Variants in ZFYVE1 observed in about 807,000 individuals in gnomAD.
ZFYVE1 encodes the protein zinc finger FYVE-type containing 1.
Under a neutral mutation model 74.4 loss-of-function variants are expected in ZFYVE1, and 30 were observed. The observed-to-expected ratio is 0.40, with a 90% CI of 0.30 to 0.55. ZFYVE1 has a LOEUF of 0.55. ZFYVE1 is among the 20% of genes least tolerant of loss of function. The pLI is 0.42. For synonymous variants in ZFYVE1, 335 were observed against 385.1 expected (o/e 0.87, Z 1.52); for missense variants, 703 against 1,011.6 (o/e 0.69, Z 4.14).
Position 72,994,306 on chromosome 14 carries a change from G to A in ZFYVE1, c.989-949C>T, listed in dbSNP as rs1251032017. 7.4e-5 allele frequency among the ~76,000 whole-genome samples: 9 copies of A among 121,410 alleles called. 1 individual carries two copies. The highest frequency in any genetic ancestry group is 1.1e-4 in the Non-Finnish European group (7 of 62,272). 79.6% of individuals were successfully genotyped at this position (121,410 alleles called of 152,430 possible). On this transcript the variant is annotated intron_variant, in intron 3 of 11. Transcript: ENST00000556143. ...CCACTGCACTCCAGCCTGGGAGACA[G>A]AGCGAGACGCTGTCTCAAAAAAAAA... is the stretch of plus-strand genomic sequence containing the variant.
chr14:73,010,169 T>C (rs1894058709), intron 2 of ZFYVE1, among the ~76,000 whole-genome samples: 1 of 152,208 alleles, frequency 6.6e-6, no homozygotes, highest in South Asian at 2.1e-4. Flanking sequence ...ATCTTTTGAA[T>C]TAAAAAGAAA....
At chr14:73,019,414 T>TA (rs34987994) in intron 2 of ZFYVE1, among the ~76,000 whole-genome samples, 73,688 of 149,500 alleles carry the variant, frequency 0.49, 18,476 homozygotes, top group African/African-American at 0.59. Context: ...AGACCCCATC[T>TA]AAAAAAAAAA....
At chr14:73,004,460 CTA>C (rs34805449) in intron 2 of ZFYVE1, among the ~76,000 whole-genome samples, 15 of 149,860 alleles carry the variant, frequency 1.0e-4, no homozygotes, top group Non-Finnish European at 1.3e-4. Context: ...AAATGATGTA[CTA>C]TATATATATA....
intron 4 of ZFYVE1, among the ~76,000 whole-genome samples, chr14:72,992,642 A>G (rs1893647611): frequency 7.6e-6 from 1 of 130,836 alleles, no homozygotes; most frequent in Admixed American, 8.4e-5. Flanking sequence ...CAAGAGAGAG[A>G]GAGCTGTTCT....
intron 2 of ZFYVE1, among the ~76,000 whole-genome samples, chr14:73,015,298 A>AAGGG (rs1385168209): frequency 1.4e-5 from 1 of 71,870 alleles, no homozygotes; most frequent in Non-Finnish European, 2.6e-5. Flanking sequence ...GGAAGGAAAG[A>AAGGG]AGGGAGGGAG....
At position 72,975,482 on chromosome 14, in the gene ZFYVE1, C is replaced by T. The variant is rs1893143941; in HGVS notation, c.1806+69G>A. ...CGTCTCCCTCACAGAACAAGCTTAG[C>T]ACAGGGCAAAGCGGCATTAAGTAGG... is the stretch of plus-strand genomic sequence containing the variant. On this transcript the variant is annotated intron_variant, in intron 9 of 11. Coordinates refer to ENST00000556143, the MANE Select transcript of ZFYVE1 (RefSeq NM_021260.4). This position sits in a 1 kb window ranked among gnomAD's most constrained non-coding sequence, Gnocchi z 4.1. 2 of 1,540,082 alleles carry T rather than the reference C, an allele frequency of 1.3e-6. No individual in the cohort carries two copies. Among genetic ancestry groups the T allele is most frequent in the Admixed American group, 4.1e-5 (2 of 49,346 alleles).
At chr14:72,985,228 T>G (rs1157332881) in intron 4 of ZFYVE1, among the ~76,000 whole-genome samples, 5 of 152,194 alleles carry the variant, frequency 3.3e-5, no homozygotes, top group African/African-American at 1.2e-4. Context: ...TGTTCACAGC[T>G]CACTGCAGCA....
intron 2 of ZFYVE1, among the ~76,000 whole-genome samples, chr14:73,015,103 C>T (rs1894161693): frequency 6.6e-6 from 1 of 150,936 alleles, no homozygotes; most frequent in South Asian, 2.1e-4. Flanking sequence ...TGGTGGCAGG[C>T]GCCTATAGTC....
intron 2 of ZFYVE1, among the ~76,000 whole-genome samples, chr14:73,009,150 G>A (rs920191857): frequency 6.6e-6 from 1 of 152,174 alleles, no homozygotes; most frequent in African/African-American, 2.4e-5. Context: ...TATCCTCTGG[G>A]GGAGGGAATG....
At position 73,024,180 on chromosome 14, in the gene ZFYVE1, C is replaced by A. The variant is rs746680816; in HGVS notation, c.329G>T (p.Gly110Val). ...AACAGGGTGTCTCCTTTTGTTACCC[C>A]CAGAATGAGTCCTCTTCTGGCACTC... ...CLECQKRTHS[G>V]GNKRRHPVTV... Residue 110 changes from glycine to valine, a missense_variant, in exon 2 of 12, where the codon GGG becomes GTG. Coordinates refer to ENST00000556143, the MANE Select transcript of ZFYVE1 (RefSeq NM_021260.4). 23 of 1,614,044 alleles carry A rather than the reference C, an allele frequency of 1.4e-5. No individual in the cohort carries two copies. Among genetic ancestry groups the A allele is most frequent in the Non-Finnish European group, 1.9e-5 (23 of 1,180,034 alleles).
rs973659379 is a variant in ZFYVE1, at chr14:72,986,696, T to C, written c.1204-4801A>G. On this transcript the variant is annotated intron_variant, in intron 4 of 11. Coordinates refer to ENST00000556143, the MANE Select transcript of ZFYVE1 (RefSeq NM_021260.4). ...GGCGCGTGCCACCATGCCCAGCTGA[T>C]TTTTTGTATTTTTAATAGAGACAGG... Among the ~76,000 whole-genome samples, 17 of 151,906 alleles carry C rather than the reference T, an allele frequency of 1.1e-4. 1 individual carries two copies. The highest frequency in any genetic ancestry group is 3.9e-4 in the African/African-American group (16 of 41,340).
chr14:73,021,562 T>C (rs1894320148), intron 2 of ZFYVE1, among the ~76,000 whole-genome samples: 1 of 152,232 alleles, frequency 6.6e-6, no homozygotes, highest in Non-Finnish European at 1.5e-5. Context: ...GAACATTCAC[T>C]ATCAGAAAAC....
chr14:72,969,717 A>C lies in ZFYVE1; in HGVS notation c.*1165T>G. 1.4e-6 allele frequency: 1 copy of C among 702,600 alleles called. No individual in the cohort carries two copies. Among genetic ancestry groups the C allele is most frequent in the Non-Finnish European group, 2.6e-6 (1 of 384,834 alleles). The allele number at this position is 702,600 out of a possible 1,614,324, so 43.5% of individuals were successfully genotyped here. A position where few individuals can be genotyped will look rare whatever the true frequency, so the allele number is the denominator to read the frequency against. ...CACCATGATGATAGGATTTCAGCAC[A>C]ACGGGCCCTTTCCAGTCATGACAGA... is the stretch of plus-strand genomic sequence containing the variant. On this transcript the variant is annotated 3_prime_UTR_variant, in exon 12 of 12. Transcript: ENST00000556143.
At chr14:73,017,220 C>A (rs1235674482) in intron 2 of ZFYVE1, among the ~76,000 whole-genome samples, 1 of 152,226 alleles carries the variant, frequency 6.6e-6, no homozygotes, top group African/African-American at 2.4e-5. Context: ...TCCTGTTAGA[C>A]TAAACCTTCA....
rs1463210244 is a variant in ZFYVE1, at chr14:73,015,292, GGAAAGA to G, written c.483+8728_483+8733del. Among the ~76,000 whole-genome samples, 35 of 75,196 alleles carry G rather than the reference GGAAAGA, an allele frequency of 4.7e-4. 1 individual carries two copies. Among genetic ancestry groups the G allele is most frequent in the Admixed American group, 7.2e-4 (5 of 6,912 alleles). The allele number at this position is 75,196 out of a possible 152,430, so 49.3% of individuals were successfully genotyped here. ...AGGAAGGAAGGAAGGAAGGAAGGAA[GGAAAGA>G]AGGGAGGGAGGGAGGGAGGGAAGGG... is the stretch of plus-strand genomic sequence containing the variant. On this transcript the variant is annotated intron_variant, in intron 2 of 11. Coordinates refer to ENST00000556143, the MANE Select transcript of ZFYVE1 (RefSeq NM_021260.4).
At chr14:73,020,362 T>C (rs1295622152) in intron 2 of ZFYVE1, among the ~76,000 whole-genome samples, 1 of 152,142 alleles carries the variant, frequency 6.6e-6, no homozygotes, top group Non-Finnish European at 1.5e-5. Context: ...CTTTGTTTCT[T>C]TGTTTTTTCA....
intron 2 of ZFYVE1, among the ~76,000 whole-genome samples, chr14:73,021,245 G>A (rs971339340): frequency 6.6e-6 from 1 of 152,148 alleles, no homozygotes; most frequent in African/African-American, 2.4e-5. Context: ...CTACTCAGGA[G>A]GCTGAGGCAG....
chr14:72,993,367 C>T lies in ZFYVE1; in HGVS notation c.989-10G>A. ...ACCTCTGAGGGATGATCTATACAAG[C>T]AGAAACACAGGCACATGGGTAGTGA... On this transcript the variant is annotated splice_polypyrimidine_tract_variant and intron_variant, in intron 3 of 11. Transcript: ENST00000556143. 1 of 1,599,140 alleles carries T rather than the reference C, an allele frequency of 6.3e-7. No individual in the cohort carries two copies. The highest frequency in any genetic ancestry group is 1.7e-4 in the Middle Eastern group (1 of 5,928).
intron 2 of ZFYVE1, among the ~76,000 whole-genome samples, chr14:73,007,433 T>C (rs909745028): frequency 5.9e-5 from 9 of 152,056 alleles, no homozygotes; most frequent in African/African-American, 1.9e-4. Flanking sequence ...GTTGCCCAGG[T>C]TGGAATACAG....
Sources: gnomAD v4.1 joint callset for allele counts (sites outside exome capture counted in the v4.1 genomes callset) on GRCh38, gnomAD v4.1.1 for gene constraint, Gnocchi (gnomAD v3.1) non-coding constraint, MANE v1.5 for transcripts, NCBI Gene and HGNC (gene_info 2026-07-23, HGNC 2026-07-21) for gene names.